PNKP: variants seen among roughly 807,000 people sequenced by gnomAD.
PNKP encodes the protein polynucleotide kinase 3'-phosphatase.
Under a neutral mutation model 66.2 loss-of-function variants are expected in PNKP, and 82 were observed. The observed-to-expected ratio is 1.24, with a 90% CI of 1.04 to 1.49. The LOEUF (loss-of-function observed/expected upper bound fraction) is 1.49. PNKP is among the 40% of genes most tolerant of loss of function. The pLI is 0.00. For synonymous variants in PNKP, 412 were observed against 298.9 expected, an observed-to-expected ratio of 1.38 and a Z score of -3.90; for missense variants, 907 against 706.8, an observed-to-expected ratio of 1.28 and a Z score of -3.21.
chr19:49,861,571 G>C (rs763847797), intron 15 of PNKP, 37 bp downstream of exon 15: 2 of 1,544,192 alleles, frequency 1.3e-6, no homozygotes, highest in Non-Finnish European at 1.7e-6. Context: ...GGGTCAGGGG[G>C]TGCAGCCCGG....
chr19:49,862,256 A>G lies in PNKP; in HGVS notation c.1055T>C (p.Leu352Pro). 6.2e-7 allele frequency: 1 copy of G among 1,606,670 alleles called. No homozygotes were observed. The highest frequency in any genetic ancestry group is 8.5e-7 in the Non-Finnish European group (1 of 1,176,784). ...DPRTVSRSGP[L>P]CLPESRALLS... Reference sequence around the variant, plus strand: ...GAGGGCCCTGGACTCGGGGAGGCAGAGAGGCCCTGAGCGGGAGACAGTCCT... The same window carrying G: ...GAGGGCCCTGGACTCGGGGAGGCAGGGAGGCCCTGAGCGGGAGACAGTCCT... The change falls in exon 12 of 17, where the codon CTC (leucine) becomes CCC (proline). Residue 352 changes from leucine (L) to proline (P), a missense_variant. Physicochemically the swap from Leu to Pro is moderately conservative, Grantham distance 98. Coordinates refer to ENST00000322344, the MANE Select transcript of PNKP (RefSeq NM_007254.4).
At chr19:49,862,779 C>T (rs546574993) in intron 8 of PNKP, 41 bp from the exon 9 acceptor site, 18 of 1,609,108 alleles carry the variant, frequency 1.1e-5, no homozygotes, top group Admixed American at 1.7e-5. Context: ...CCACAAATGT[C>T]CCCCCGCAGC....
chr19:49,867,356 G>C, intron 1 of PNKP, 113 bp downstream of exon 1: 8 of 900,894 alleles, frequency 8.9e-6, no homozygotes, highest in Non-Finnish European at 9.9e-6. Context: ...TCCGCGGGTC[G>C]ACCCGTTTCC....
chr19:49,862,727 GCCGTCGTTGGCCTA>G lies in PNKP; in HGVS notation c.817-3_827del, dbSNP rs1191183123. 1 of 1,614,092 alleles carries G rather than the reference GCCGTCGTTGGCCTA, an allele frequency of 6.2e-7. No individual in the cohort carries two copies. Among genetic ancestry groups the G allele is most frequent in the South Asian group, 1.1e-5 (1 of 91,086 alleles). ...TGCTGTCCCCGATGGATATGGGCGTGCCGTCGTTGGCCTACGGGAGACGGTAGTGAGGAGGCCCT... is the reference window on the plus strand; with the variant it reads ...TGCTGTCCCCGATGGATATGGGCGTGCGGGAGACGGTAGTGAGGAGGCCCT... On this transcript the variant is annotated splice_acceptor_variant and splice_polypyrimidine_tract_variant and coding_sequence_variant and intron_variant, in exon 9 of 17. Transcript: ENST00000322344. LOFTEE classifies it high-confidence loss of function.
Position 49,862,295 on chromosome 19 carries a change from G to A in PNKP, c.1030-14C>T, listed in dbSNP as rs1205664647. On this transcript the variant is annotated splice_polypyrimidine_tract_variant and intron_variant, in intron 11 of 16. Coordinates refer to ENST00000322344, the MANE Select transcript of PNKP (RefSeq NM_007254.4). Reference sequence around the variant, plus strand: ...GGAGACAGTCCTCTGCGAGGGGCGGGGGACACGCGTGAGATGCCGTCCCCA... The same window carrying A: ...GGAGACAGTCCTCTGCGAGGGGCGGAGGACACGCGTGAGATGCCGTCCCCA... 6.4e-7 allele frequency: 1 copy of A among 1,568,698 alleles called. No homozygotes were observed. Among genetic ancestry groups the A allele is most frequent in the Non-Finnish European group, 8.6e-7 (1 of 1,156,486 alleles).
In PNKP at chr19:49,862,176, G is replaced by A. The variant is rs3739202; in HGVS notation, c.1126+9C>T. Reference sequence around the variant, plus strand: ...GCTCAGGGCACGCGCACAGGAACAGGACACTTACCCCCAGGGAATCCCACT... The same window carrying A: ...GCTCAGGGCACGCGCACAGGAACAGAACACTTACCCCCAGGGAATCCCACT... On this transcript the variant is annotated intron_variant, in intron 12 of 16. Transcript: ENST00000322344. 714 of 1,613,800 alleles carry A rather than the reference G, an allele frequency of 4.4e-4. 4 individuals carry two copies. The South Asian group carries it at 6.8e-3, about 15-fold the overall frequency.
At chr19:49,866,584 A>G (rs2074822585) in intron 2 of PNKP, 139 bp from the exon 3 acceptor site, 2 of 803,188 alleles carry the variant, frequency 2.5e-6, no homozygotes, top group Non-Finnish European at 4.4e-6. Context: ...TGGCTCCTTG[A>G]CATGCAGTAG....
chr19:49,867,446 C>A (rs1600424066), intron 1 of PNKP, 23 bp downstream of exon 1: 1 of 579,070 alleles, frequency 1.7e-6, no homozygotes. Context: ...CTCGCACATG[C>A]CTCCGCCCCG....
chr19:49,867,563 C>G lies in PNKP; in HGVS notation c.-108G>C, dbSNP rs1177546366. On this transcript the variant is annotated 5_prime_UTR_variant, in exon 1 of 17. Transcript: ENST00000322344. Reference sequence around the variant, plus strand: ...ACCCGGCCGGCGGCGGTCGGTTCCTCGGCGGACGGAAATGACTCGTCCCCT... The same window carrying G: ...ACCCGGCCGGCGGCGGTCGGTTCCTGGGCGGACGGAAATGACTCGTCCCCT... 6 of 206,404 alleles carry G rather than the reference C, an allele frequency of 2.9e-5. No individual in the cohort carries two copies. The highest frequency in any genetic ancestry group is 4.5e-5 in the Non-Finnish European group (5 of 110,290). 12.8% of individuals were successfully genotyped at this position (206,404 alleles called of 1,614,324 possible). A position where few individuals can be genotyped will look rare whatever the true frequency, so the allele number is the denominator to read the frequency against.
chr19:49,862,907 C>G lies in PNKP; in HGVS notation c.817-169G>C, dbSNP rs1290647. ...GCACCGTGCTCCTGGCCCCCTCCCCCCTCCGTGGTCTCTCCACACAGCCCC... is the reference window on the plus strand; with the variant it reads ...GCACCGTGCTCCTGGCCCCCTCCCCGCTCCGTGGTCTCTCCACACAGCCCC... On this transcript the variant is annotated intron_variant, in intron 8 of 16. Transcript: ENST00000322344. 3.2e-3 allele frequency: 2,354 copies of G among 731,452 alleles called. 61 individuals are homozygous for G. Among genetic ancestry groups the G allele is most frequent in the South Asian group, 0.027 (1,814 of 66,824 alleles). 45.3% of individuals were successfully genotyped at this position (731,452 alleles called of 1,614,324 possible).
Position 49,861,277 on chromosome 19 carries a change from G to T in PNKP, c.1537C>A (p.Arg513=). 2 of 1,612,992 alleles carry T rather than the reference G, an allele frequency of 1.2e-6. No individual in the cohort carries two copies. ...FRLWVEPRLG[R]LYCQFSEG ...CCCTCGGAGAACTGGCAGTACAGCCGCCCCAGCCTCGGCTCCACCCATAGC... is the reference window on the plus strand; with the variant it reads ...CCCTCGGAGAACTGGCAGTACAGCCTCCCCAGCCTCGGCTCCACCCATAGC... Residue 513 remains arginine (R), a synonymous_variant, in exon 17 of 17, where the codon CGG becomes AGG. Coordinates refer to ENST00000322344, the MANE Select transcript of PNKP (RefSeq NM_007254.4).
In PNKP at chr19:49,865,391, C is replaced by T. The variant is rs2122339283; in HGVS notation, c.234G>A (p.Glu78=). Residue 78 remains glutamate (E), a synonymous_variant, in exon 4 of 17, where the codon GAG becomes GAA. Transcript: ENST00000322344. ...GVNPSTTGTQ[E]LKPGLEGSLG... ...GAGAGCCCTCCAACCCCGGCTTCAA[C>T]TCCTGGGTCCCGGTAGTTGAGGGGT... 6.2e-7 allele frequency: 1 copy of T among 1,612,492 alleles called. No individual in the cohort carries two copies. The highest frequency in any genetic ancestry group is 8.5e-7 in the Non-Finnish European group (1 of 1,179,294).
At chr19:49,865,573 G>C (rs2074812850) in intron 3 of PNKP, 147 bp from the exon 4 acceptor site, 5 of 609,014 alleles carry the variant, frequency 8.2e-6, no homozygotes, top group Non-Finnish European at 1.5e-5. Context: ...GCTTTGGAAC[G>C]GTTACAGGTT....
chr19:49,864,086 G>A lies in PNKP; in HGVS notation c.637-15C>T. 1 of 1,612,558 alleles carries A rather than the reference G, an allele frequency of 6.2e-7. No individual in the cohort carries two copies. On this transcript the variant is annotated splice_polypyrimidine_tract_variant and intron_variant, in intron 6 of 16. Coordinates refer to ENST00000322344, the MANE Select transcript of PNKP (RefSeq NM_007254.4). The stretch of plus-strand genomic sequence containing the variant: ...AAGATCACCAGCTGGGGAGCAAAGG[G>A]TGTCACCAGACGCTCTGCTCACCAG...
At chr19:49,861,921 G>C in intron 13 of PNKP, 40 bp from the exon 14 acceptor site, 2 of 1,581,636 alleles carry the variant, frequency 1.3e-6, no homozygotes, top group Middle Eastern at 1.7e-4. Context: ...GGCAGACCCA[G>C]GGGGAGAGAA....
intron 8 of PNKP, 30 bp downstream of exon 8, chr19:49,863,659 G>A (rs1194713450): frequency 1.3e-6 from 2 of 1,529,700 alleles, no homozygotes; most frequent in Non-Finnish European, 1.8e-6. Flanking sequence ...TGAGGAAAAG[G>A]AGGGGGGCCG....
At chr19:49,865,639 AG>A in intron 3 of PNKP, 1 of 528,244 alleles carries the variant, frequency 1.9e-6, no homozygotes, top group South Asian at 2.3e-5. Flanking sequence ...CTGGAGATAT[AG>A]GCTTGTTTTG....
intron 8 of PNKP, 74 bp downstream of exon 8, chr19:49,863,615 G>A (rs985023673): frequency 1.1e-4 from 120 of 1,138,634 alleles, no homozygotes; most frequent in Middle Eastern, 2.5e-4. Context: ...GGCCCCAACC[G>A]GAGGCCGGGG....
In PNKP at chr19:49,862,397, C is replaced by A. The variant is rs768567927; in HGVS notation, c.1003G>T (p.Gly335Cys). The A allele has an allele frequency of 5.8e-6, 9 of 1,559,340 alleles. No homozygotes were observed. Among genetic ancestry groups the A allele is most frequent in the Middle Eastern group, 1.8e-4 (1 of 5,666 alleles). ...GGATCAAAGGCTGGGAGCTCGAAGC[C>A]GGCTGCTGGCCACTTGAGAAAGAAC... ...EEFFLKWPAAGFELPAFDPRT... is the reference protein window; with the variant it reads ...EEFFLKWPAACFELPAFDPRT... The change falls in exon 11 of 17, where the codon GGC becomes TGC. Residue 335 changes from glycine (G) to cysteine (C), a missense_variant. Physicochemically the swap from Gly to Cys is radical, Grantham distance 159 (BLOSUM62 -3). Coordinates refer to ENST00000322344, the MANE Select transcript of PNKP (RefSeq NM_007254.4).
Sources: gnomAD v4.1 joint callset for allele counts on GRCh38, gnomAD v4.1.1 for gene constraint, MANE v1.5 for transcripts, NCBI Gene and HGNC (gene_info 2026-07-23, HGNC 2026-07-21) for gene names.